RIBC2: variants seen among roughly 807,000 people sequenced by gnomAD.
The protein encoded by RIBC2 is RIB43A-like with coiled-coils protein 2.
Under a neutral mutation model 44.3 loss-of-function variants are expected in RIBC2, and 40 were observed. The ratio of observed to expected loss-of-function variants is 0.90; its 90% CI spans 0.70 to 1.18. The LOEUF is 1.18. Ranked by LOEUF, RIBC2 falls within the 50% of genes most tolerant of loss-of-function variation. The pLI is 0.00. For synonymous variants in RIBC2, 171 were observed against 175.0 expected (o/e 0.98, Z 0.18); for missense variants, 459 against 485.5 (o/e 0.95, Z 0.51).
chr22:45,422,623 C>T lies in RIBC2; in HGVS notation c.675+215C>T, dbSNP rs1027836842. ...GCTCTGAATCTTGGAGGGAAACCTG[C>T]CAAACTAGCCATGTAACCTGGGGAA... is the stretch of plus-strand genomic sequence containing the variant. On this transcript the variant is annotated intron_variant, in intron 4 of 6. Transcript: ENST00000614167. 16 of 549,810 alleles carry T rather than the reference C, an allele frequency of 2.9e-5. No individual in the cohort carries two copies. The African/African-American group carries it at 3.0e-4, about 10-fold the overall frequency. The allele number at this position is 549,810 out of a possible 1,614,324, so 34.1% of individuals were successfully genotyped here.
At chr22:45,421,508 GTAT>G (rs1224654874) in intron 3 of RIBC2, among the ~76,000 whole-genome samples, 32 of 138,512 alleles carry the variant, frequency 2.3e-4, no homozygotes, top group Admixed American at 6.0e-4. Context: ...ATTAATAATA[GTAT>G]TATTAATAAT....
At chr22:45,414,045 G>C in intron 1 of RIBC2, 30 bp downstream of exon 1, 1 of 1,550,118 alleles carries the variant, frequency 6.5e-7, no homozygotes, top group Non-Finnish European at 8.7e-7. Context: ...GACGGGGTTA[G>C]AGCGGCAGAT....
In RIBC2 at chr22:45,432,486, T is replaced by C. The variant is rs2087590023; in HGVS notation, c.*124T>C. The C allele has an allele frequency of 1.6e-6, 1 of 635,874 alleles. No homozygotes were observed. Among genetic ancestry groups the C allele is most frequent in the African/African-American group, 1.9e-5 (1 of 53,870 alleles). 39.4% of individuals were successfully genotyped at this position (635,874 alleles called of 1,614,324 possible). ...ACCCTTCAGCTGTAATCGTCCACTG[T>C]GGACAAAACATTTATCTAACCTCTC... On this transcript the variant is annotated 3_prime_UTR_variant, in exon 7 of 7. Coordinates refer to ENST00000614167, the MANE Select transcript of RIBC2 (RefSeq NM_015653.5).
intron 4 of RIBC2, among the ~76,000 whole-genome samples, chr22:45,424,132 G>C (rs531060263): frequency 3.9e-5 from 6 of 152,170 alleles, no homozygotes; most frequent in Non-Finnish European, 8.8e-5. Flanking sequence ...GGCTCCTCAC[G>C]TGGATGCCAC....
At chr22:45,432,212 A>C (rs62226847) in intron 6 of RIBC2, 72 bp from the exon 7 acceptor site, 2 of 46,602 alleles carry the variant, frequency 4.3e-5, no homozygotes, top group African/African-American at 8.9e-4. Context: ...GTGCCTTTTC[A>C]AAAAAAAAAA....
At chr22:45,415,356 A>C (rs562137649) in intron 2 of RIBC2, among the ~76,000 whole-genome samples, 1 of 152,214 alleles carries the variant, frequency 6.6e-6, no homozygotes, top group South Asian at 2.1e-4. Context: ...AAATATGCCA[A>C]AATGTTAGCA....
Position 45,430,950 on chromosome 22 carries a change from G to A in RIBC2, c.954G>A (p.Arg318=). The A allele has an allele frequency of 6.2e-7, 1 of 1,610,806 alleles. No homozygotes were observed. Among genetic ancestry groups the A allele is most frequent in the Non-Finnish European group, 8.5e-7 (1 of 1,178,536 alleles). The change falls in exon 6 of 7, where the codon AGG becomes AGA. Residue 318 remains arginine (R), a synonymous_variant. Transcript: ENST00000614167. ...RQRDLDWDRR[R]IQGARATLLF... ...GAGACCTGGACTGGGACCGGCGGAG[G>A]ATTCAGGGGGCTCGCGCCACCCTGC...
intron 4 of RIBC2, 40 bp downstream of exon 4, chr22:45,422,448 G>A: frequency 7.0e-7 from 1 of 1,423,712 alleles, no homozygotes; most frequent in Non-Finnish European, 9.9e-7. Context: ...CGACTGGAGG[G>A]GAGGATGAGC....
rs561727664 is a variant in RIBC2 at position 45,416,816 on chromosome 22, T to G, written c.212-786T>G. Among the ~76,000 whole-genome samples, 12 of 152,170 alleles carry G rather than the reference T, an allele frequency of 7.9e-5. No homozygotes were observed. The East Asian group carries it at 2.3e-3, about 29-fold the overall frequency. On this transcript the variant is annotated intron_variant, in intron 2 of 6. Coordinates refer to ENST00000614167, the MANE Select transcript of RIBC2 (RefSeq NM_015653.5). ...TACTAATGTGTGCCATTATTAGCAT[T>G]TTAAATATTTTGCCTTCGATTCATT... is the stretch of plus-strand genomic sequence containing the variant.
intron 3 of RIBC2, among the ~76,000 whole-genome samples, chr22:45,419,338 A>G (rs1569208073): frequency 6.6e-6 from 1 of 152,166 alleles, no homozygotes; most frequent in African/African-American, 2.4e-5. Context: ...CCTTTCTTCT[A>G]GCTGCCCAGG....
chr22:45,430,861 TG>T, intron 5 of RIBC2, 38 bp from the exon 6 acceptor site: 1 of 1,506,892 alleles, frequency 6.6e-7, no homozygotes, highest in Non-Finnish European at 8.9e-7. Context: ...TCTTTGGCTC[TG>T]GGGAAAGGTG....
chr22:45,425,144 C>A (rs73889935), intron 4 of RIBC2, among the ~76,000 whole-genome samples: 5,533 of 149,608 alleles, frequency 0.037, 338 homozygotes, highest in African/African-American at 0.13. Flanking sequence ...AACAAACAAA[C>A]AAAAAAAAAC....
At chr22:45,431,164 CCCCG>C in intron 6 of RIBC2, 98 bp downstream of exon 6, 1 of 1,386,102 alleles carries the variant, frequency 7.2e-7, no homozygotes, top group South Asian at 1.4e-5. Context: ...AGGGGAAACA[CCCCG>C]CCCTGGTGGT....
intron 2 of RIBC2, among the ~76,000 whole-genome samples, chr22:45,416,235 A>T (rs1347202456): frequency 6.6e-6 from 1 of 151,392 alleles, no homozygotes; most frequent in East Asian, 1.9e-4. Context: ...CAGTTTCTTC[A>T]TCCATTCCCA....
At chr22:45,420,523 C>A (rs529795877) in intron 3 of RIBC2, among the ~76,000 whole-genome samples, 16 of 152,314 alleles carry the variant, frequency 1.1e-4, no homozygotes, top group African/African-American at 3.9e-4. Context: ...CAGCTGTGGA[C>A]TTGGTTCTTC....
intron 5 of RIBC2, among the ~76,000 whole-genome samples, chr22:45,430,120 G>A (rs1400417351): frequency 6.6e-6 from 1 of 152,190 alleles, no homozygotes; most frequent in Non-Finnish European, 1.5e-5. Flanking sequence ...TTGCCTCGTG[G>A]GTGACAAAGC....
At chr22:45,424,455 G>A (rs1416804239) in intron 4 of RIBC2, among the ~76,000 whole-genome samples, 2 of 152,250 alleles carry the variant, frequency 1.3e-5, no homozygotes, top group Non-Finnish European at 2.9e-5. Flanking sequence ...TTGATCATCT[G>A]CAGAATGAGG....
Position 45,422,402 on chromosome 22 carries a change from G to A in RIBC2, c.669G>A (p.Lys223=). 1.9e-6 allele frequency: 3 copies of A among 1,612,772 alleles called. No individual in the cohort carries two copies. Among genetic ancestry groups the A allele is most frequent in the East Asian group, 2.2e-5 (1 of 44,868 alleles). The stretch of plus-strand genomic sequence containing the variant: ...GTGCATCTGTGAAAGACTTCAACAA[G>A]AGCCAGGTATAGGTACTCCGCGACC... ...AVCASVKDFN[K]SQAIESVERK... The change falls in exon 4 of 7, where the codon AAG becomes AAA. Residue 223 remains lysine (K), a synonymous_variant. Coordinates refer to ENST00000614167, the MANE Select transcript of RIBC2 (RefSeq NM_015653.5).
At chr22:45,418,006 G>GTTTTT in intron 3 of RIBC2, 60 bp downstream of exon 3, 3 of 597,648 alleles carry the variant, frequency 5.0e-6, no homozygotes, top group Admixed American at 3.8e-5. Flanking sequence ...CAACCCTACA[G>GTTTTT]TTTTTTTTTT....
Sources: gnomAD v4.1 joint callset for allele counts (sites outside exome capture counted in the v4.1 genomes callset) on GRCh38, gnomAD v4.1.1 for gene constraint, MANE v1.5 for transcripts, NCBI Gene and HGNC (gene_info 2026-07-23, HGNC 2026-07-21) for gene names.